The following LMAN2 variants were observed in gnomAD, a reference collection of about 807,000 sequenced individuals.
LMAN2 encodes the protein vesicular integral-membrane protein VIP36.
LMAN2 carries 22 observed loss-of-function variants against 39.3 expected under a neutral mutation model. That is an observed-to-expected ratio of 0.56 (90% CI 0.40 to 0.80). LMAN2 has a LOEUF of 0.80. Ranked by LOEUF, LMAN2 falls within the 30% of genes least tolerant of loss-of-function variation. The pLI is 0.00. For synonymous variants in LMAN2, 207 were observed against 207.8 expected (o/e 1.00, Z 0.03); for missense variants, 494 against 505.4 (o/e 0.98, Z 0.22).
intron 2 of LMAN2, among the ~76,000 whole-genome samples, chr5:177,339,392 C>T (rs1207709984): frequency 2.6e-5 from 4 of 152,212 alleles, no homozygotes; most frequent in African/African-American, 4.8e-5. Flanking sequence ...GTGGTACCAG[C>T]GCTGGGGATG....
Position 177,337,368 on chromosome 5 carries a change from G to C in LMAN2, c.670C>G (p.Leu224Val), listed in dbSNP as rs1358706688. The change falls in exon 5 of 8, where the codon CTG (leucine) becomes GTG (valine). Residue 224 changes from leucine (L) to valine (V), a missense_variant. By Grantham distance (32) the Leu-to-Val change is conservative. Coordinates refer to ENST00000303127, the MANE Select transcript of LMAN2 (RefSeq NM_006816.3). The surrounding 1 kb of genome is among the most constrained non-coding windows in gnomAD (Gnocchi z 8.2). The stretch of plus-strand genomic sequence containing the variant: ...CCACCGCCTAGCCTGCTCACCGTCA[G>C]ACGGCCCCGGGAGTAGCGCACAGCC... ...FLAVRYSRGR[L>V]TVMTDLEDKN... 1 of 1,611,092 alleles carries C rather than the reference G, an allele frequency of 6.2e-7. No homozygotes were observed. The highest frequency in any genetic ancestry group is 8.5e-7 in the Non-Finnish European group (1 of 1,179,892).
At chr5:177,344,098 A>G (rs1351755648) in intron 2 of LMAN2, among the ~76,000 whole-genome samples, 2 of 151,644 alleles carry the variant, frequency 1.3e-5, no homozygotes, top group Non-Finnish European at 2.9e-5. Context: ...CATGCCTTGT[A>G]ATCCCAGCTA....
intron 2 of LMAN2, among the ~76,000 whole-genome samples, chr5:177,347,843 C>T (rs959920102): frequency 1.3e-5 from 2 of 152,176 alleles, no homozygotes; most frequent in Admixed American, 1.3e-4. Flanking sequence ...CTGTGCCAGG[C>T]ACAGTGGTGG....
intron 2 of LMAN2, among the ~76,000 whole-genome samples, chr5:177,343,055 C>T (rs927387130): frequency 3.3e-5 from 5 of 151,952 alleles, no homozygotes; most frequent in African/African-American, 7.3e-5. Context: ...AGATGGAGAC[C>T]GTCCTGGCTA....
rs749532100 is a variant in LMAN2 at position 177,337,688 on chromosome 5, G to A, written c.513+18C>T. On this transcript the variant is annotated intron_variant, in intron 4 of 7. Coordinates refer to ENST00000303127, the MANE Select transcript of LMAN2 (RefSeq NM_006816.3). This position sits in a 1 kb window ranked among gnomAD's most constrained non-coding sequence, Gnocchi z 8.2. ...CAGTCCTTCCTTTCCTGCTCAGCAG[G>A]ATAGAGCAGGGGCCTACCTCAGTGG... is the stretch of plus-strand genomic sequence containing the variant. The A allele has an allele frequency of 6.2e-7, 1 of 1,612,778 alleles. No homozygotes were observed. Among genetic ancestry groups the A allele is most frequent in the East Asian group, 2.2e-5 (1 of 44,876 alleles).
At chr5:177,334,836 C>A (rs1327624476) in intron 6 of LMAN2, among the ~76,000 whole-genome samples, 1 of 152,230 alleles carries the variant, frequency 6.6e-6, no homozygotes, top group Non-Finnish European at 1.5e-5. Flanking sequence ...GTGTGACTGG[C>A]TGAGAAGGCT....
intron 7 of LMAN2, among the ~76,000 whole-genome samples, chr5:177,333,377 G>A (rs996271693): frequency 3.9e-5 from 6 of 152,250 alleles, no homozygotes; most frequent in Non-Finnish European, 7.3e-5. Context: ...CCAGCTGCAC[G>A]GGATGCTGGG....
At chr5:177,338,203 G>C (rs1411682546) in intron 3 of LMAN2, among the ~76,000 whole-genome samples, 1 of 152,162 alleles carries the variant, frequency 6.6e-6, no homozygotes, top group Non-Finnish European at 1.5e-5. Flanking sequence ...TCATGTTTTG[G>C]CTTTTTTACA....
At chr5:177,347,696 G>A (rs926983011) in intron 2 of LMAN2, among the ~76,000 whole-genome samples, 4 of 152,144 alleles carry the variant, frequency 2.6e-5, no homozygotes, top group African/African-American at 7.2e-5. Flanking sequence ...TGCTTGCAAC[G>A]AAACGGAATG....
At position 177,334,266 on chromosome 5, in the gene LMAN2, G is replaced by T; in HGVS notation, c.910+18C>A. 1 of 1,608,100 alleles carries T rather than the reference G, an allele frequency of 6.2e-7. No homozygotes were observed. On this transcript the variant is annotated intron_variant, in intron 7 of 7. Transcript: ENST00000303127. ...CAGGCCGCCCAGGCCCAGGCAGGGC[G>T]GGGCTGTGCACACGCACCTTTGGGC...
chr5:177,347,018 G>A (rs1464467870), intron 2 of LMAN2, among the ~76,000 whole-genome samples: 1 of 151,992 alleles, frequency 6.6e-6, no homozygotes, highest in Non-Finnish European at 1.5e-5. Context: ...CAAACAGAAC[G>A]CGTCCAAAAA....
chr5:177,338,664 G>A (rs1761511228), intron 2 of LMAN2, 59 bp from the exon 3 acceptor site: 5 of 1,404,590 alleles, frequency 3.6e-6, no homozygotes, highest in Admixed American at 1.7e-5. Flanking sequence ...GCAAGCTGGA[G>A]GCAACCCCAG....
Position 177,332,095 on chromosome 5 carries a change from G to C in LMAN2, c.1062C>G (p.Arg354=), listed in dbSNP as rs558648293. 1 of 1,611,680 alleles carries C rather than the reference G, an allele frequency of 6.2e-7. No individual in the cohort carries two copies. The highest frequency in any genetic ancestry group is 2.2e-5 in the East Asian group (1 of 44,838). ...CCGCCGGAGGCGCCACTCAGTAGAA[G>C]CGCTTGTTCCGCTCCTGCCGCTTCT... ...VFQKRQERNK[R]FY Residue 354 remains arginine, a synonymous_variant, in exon 8 of 8, where the codon CGC becomes CGG. Transcript: ENST00000303127. This position sits in a 1 kb window ranked among gnomAD's most constrained non-coding sequence, Gnocchi z 6.3.
chr5:177,337,197 C>T lies in LMAN2; in HGVS notation c.729G>A (p.Thr243=), dbSNP rs1241474452. ...AGTAGCCGGTGGGCAGGCGCACTCCCGTGATGTCAATGCAGTTCTTCCACT... is the reference window on the plus strand; with the variant it reads ...AGTAGCCGGTGGGCAGGCGCACTCCTGTGATGTCAATGCAGTTCTTCCACT... ...KNEWKNCIDI[T]GVRLPTGYYF... Residue 243 remains threonine, a synonymous_variant, in exon 6 of 8, where the codon ACG becomes ACA. Transcript: ENST00000303127. The surrounding 1 kb of genome is among the most constrained non-coding windows in gnomAD (Gnocchi z 8.2). The T allele has an allele frequency of 1.1e-5, 17 of 1,613,886 alleles. No homozygotes were observed. Among genetic ancestry groups the T allele is most frequent in the Non-Finnish European group, 1.4e-5 (17 of 1,179,974 alleles).
intron 2 of LMAN2, chr5:177,346,462 T>A: frequency 3.7e-6 from 1 of 267,268 alleles, no homozygotes; most frequent in Non-Finnish European, 6.7e-6. Flanking sequence ...CCGGTTGTTG[T>A]TTTTTTTTTA....
chr5:177,343,964 C>T (rs187602449), intron 2 of LMAN2, among the ~76,000 whole-genome samples: 122 of 152,148 alleles, frequency 8.0e-4, no homozygotes, highest in African/African-American at 2.9e-3. Context: ...AATCCCAGCA[C>T]TTTGGGAGGC....
intron 2 of LMAN2, among the ~76,000 whole-genome samples, chr5:177,345,430 G>A (rs911635964): frequency 2.0e-5 from 3 of 150,262 alleles, no homozygotes; most frequent in African/African-American, 7.4e-5. Flanking sequence ...GGATTTAAAG[G>A]TAAAAAGGGT....
chr5:177,338,041 G>A (rs1224282468), intron 3 of LMAN2, among the ~76,000 whole-genome samples: 1 of 151,954 alleles, frequency 6.6e-6, no homozygotes, highest in Non-Finnish European at 1.5e-5. Context: ...GGTGTCAAGG[G>A]GGTACCTGGC....
Position 177,337,630 on chromosome 5 carries a change from A to T in LMAN2, c.513+76T>A, listed in dbSNP as rs1317765836. On this transcript the variant is annotated intron_variant, in intron 4 of 7. Coordinates refer to ENST00000303127, the MANE Select transcript of LMAN2 (RefSeq NM_006816.3). The surrounding 1 kb of genome is among the most constrained non-coding windows in gnomAD (Gnocchi z 8.2). Reference sequence around the variant, plus strand: ...GGCTCCTCTTGTGCTGGGACCATGGAAGTCCCAGGGCCCCCTCCTCTAGCC... The same window carrying T: ...GGCTCCTCTTGTGCTGGGACCATGGTAGTCCCAGGGCCCCCTCCTCTAGCC... 1.2e-6 allele frequency: 2 copies of T among 1,600,994 alleles called. No homozygotes were observed. The highest frequency in any genetic ancestry group is 2.7e-5 in the African/African-American group (2 of 74,484).
Sources: gnomAD v4.1 joint callset for allele counts (sites outside exome capture counted in the v4.1 genomes callset) on GRCh38, gnomAD v4.1.1 for gene constraint, Gnocchi (gnomAD v3.1) non-coding constraint, MANE v1.5 for transcripts, NCBI Gene and HGNC (gene_info 2026-07-23, HGNC 2026-07-21) for gene names.